The following MAP9 variants were observed in gnomAD, a reference collection of about 807,000 sequenced individuals.
The protein encoded by MAP9 is microtubule-associated protein 9.
A neutral mutation model predicts 75.2 loss-of-function variants in MAP9; 80 were observed. The observed-to-expected ratio is 1.06, with a 90% confidence interval of 0.89 to 1.28. The LOEUF is 1.28. Ranked by LOEUF, MAP9 falls within the 50% of genes most tolerant of loss-of-function variation. MAP9 has a pLI of 0.00. For missense variants in MAP9, 753 were observed against 719.9 expected, an observed-to-expected ratio of 1.05 and a Z score of -0.53; for synonymous variants, 235 against 237.3, an observed-to-expected ratio of 0.99 and a Z score of 0.09.
intron 6 of MAP9, among the ~76,000 whole-genome samples, chr4:155,361,834 G>A (rs1732094057): frequency 6.6e-6 from 1 of 152,012 alleles, no homozygotes; most frequent in Admixed American, 6.6e-5. Context: ...ATAACCTTAT[G>A]AGACAAATAA....
chr4:155,342,882 ATTC>A lies in MAP9; in HGVS notation c.*4898_*4900del. 1 of 152,076 alleles carries A rather than the reference ATTC, an allele frequency of 6.6e-6. No individual in the cohort carries two copies. Among genetic ancestry groups the A allele is most frequent in the Admixed American group, 6.6e-5 (1 of 15,242 alleles). The allele number at this position is 152,076 out of a possible 1,614,324, so 9.4% of individuals were successfully genotyped here. ...TCTGAATAACTCCTTACATTTATAA[ATTC>A]TTATTTAATTTTATAGCTTTAATGC... On this transcript the variant is annotated 3_prime_UTR_variant, in exon 14 of 14. Transcript: ENST00000311277.
At chr4:155,363,458 A>G (rs978771013) in intron 5 of MAP9, 1 of 152,128 alleles carries the variant, frequency 6.6e-6, no homozygotes, top group Admixed American at 6.6e-5. Context: ...CCCAGAGATG[A>G]CTCACGTTTT....
At chr4:155,357,997 G>A (rs577813655) in intron 7 of MAP9, among the ~76,000 whole-genome samples, 2 of 152,156 alleles carry the variant, frequency 1.3e-5, no homozygotes, top group South Asian at 2.1e-4. Flanking sequence ...GGAGGAAGAC[G>A]TGGTCAGGGA....
Position 155,375,784 on chromosome 4 carries a change from T to C in MAP9, c.67A>G (p.Thr23Ala), listed in dbSNP as rs200658882. The C allele has an allele frequency of 1.3e-5, 21 of 1,597,460 alleles. No homozygotes were observed. The highest frequency in any genetic ancestry group is 6.6e-5 in the South Asian group (6 of 90,346). ...AAATAAAAATACTTTACCTGGAAAG[T>C]AGTTCTTTTGGTAACTTTTGGACTC... is the stretch of plus-strand genomic sequence containing the variant. ...TKSPKVTKRT[T>A]FQDELIRAIT... Residue 23 changes from threonine to alanine, a missense_variant, in exon 2 of 14, where the codon ACT becomes GCT. Physicochemically the swap from Thr to Ala is moderately conservative, Grantham distance 58 (BLOSUM62 0). Transcript: ENST00000311277.
intron 5 of MAP9, among the ~76,000 whole-genome samples, chr4:155,366,897 T>C (rs538665478): frequency 3.5e-4 from 54 of 152,310 alleles, no homozygotes; most frequent in Non-Finnish European, 6.0e-4. Context: ...ACCAAACTTT[T>C]ATAAAATGAA....
At chr4:155,356,112 C>CA (rs1212370881) in intron 8 of MAP9, among the ~76,000 whole-genome samples, 1 of 151,906 alleles carries the variant, frequency 6.6e-6, no homozygotes, top group Non-Finnish European at 1.5e-5. Context: ...ACCAAAAATA[C>CA]AAAAAATTAG....
At chr4:155,361,711 T>G (rs1225493709) in intron 6 of MAP9, among the ~76,000 whole-genome samples, 1 of 152,074 alleles carries the variant, frequency 6.6e-6, no homozygotes, top group Non-Finnish European at 1.5e-5. Context: ...TATGTTGTCC[T>G]GCAGAATATC....
chr4:155,354,663 C>T lies in MAP9; in HGVS notation c.1380+408G>A, dbSNP rs570528079. 5.9e-5 allele frequency among the ~76,000 whole-genome samples: 9 copies of T among 152,166 alleles called. No individual in the cohort carries two copies. The South Asian group carries it at 1.9e-3, about 32-fold the overall frequency. On this transcript the variant is annotated intron_variant, in intron 10 of 13. Transcript: ENST00000311277. The stretch of plus-strand genomic sequence containing the variant: ...ATTTTTAGTAGAGATGGGGTTTCAC[C>T]ACATTGCCCAGGCTGGTGTCGAACT...
At position 155,344,730 on chromosome 4, in the gene MAP9, T is replaced by C. The variant is rs1364778212; in HGVS notation, c.*3053A>G. 1.3e-5 allele frequency: 2 copies of C among 152,034 alleles called. No homozygotes were observed. Among genetic ancestry groups the C allele is most frequent in the African/African-American group, 4.8e-5 (2 of 41,464 alleles). 9.4% of individuals were successfully genotyped at this position (152,034 alleles called of 1,614,324 possible). A position where few individuals can be genotyped will look rare whatever the true frequency, so the allele number is the denominator to read the frequency against. On this transcript the variant is annotated 3_prime_UTR_variant, in exon 14 of 14. Transcript: ENST00000311277. ...TTTAACCTCTTGATCTAAAATGCCA[T>C]ATTGCATCTTTTAAGTTAAATAGCA... is the stretch of plus-strand genomic sequence containing the variant.
Position 155,355,179 on chromosome 4 carries a change from G to A in MAP9, c.1291-19C>T, listed in dbSNP as rs769879016. 5 of 845,318 alleles carry A rather than the reference G, an allele frequency of 5.9e-6. No homozygotes were observed. Among genetic ancestry groups the A allele is most frequent in the South Asian group, 2.1e-5 (1 of 47,148 alleles). 52.4% of individuals were successfully genotyped at this position (845,318 alleles called of 1,614,324 possible). On this transcript the variant is annotated intron_variant, in intron 9 of 13. Coordinates refer to ENST00000311277, the MANE Select transcript of MAP9 (RefSeq NM_001039580.2). ...ACCACTCCTATAAGAACAAGAAAAA[G>A]GTCATATAATATTTAAAATTTCTTA...
At chr4:155,350,655 T>C (rs1256053886) in intron 13 of MAP9, among the ~76,000 whole-genome samples, 1 of 151,960 alleles carries the variant, frequency 6.6e-6, no homozygotes, top group African/African-American at 2.4e-5. Flanking sequence ...AACACTACCT[T>C]TTTCATTCAA....
At chr4:155,370,268 C>T (rs1732534987) in intron 4 of MAP9, among the ~76,000 whole-genome samples, 1 of 152,190 alleles carries the variant, frequency 6.6e-6, no homozygotes, top group African/African-American at 2.4e-5. Context: ...TAGATCACTG[C>T]TTCCATGATA....
At chr4:155,368,247 AAC>A (rs1732417746) in intron 5 of MAP9, 1 of 403,400 alleles carries the variant, frequency 2.5e-6, no homozygotes, top group East Asian at 3.7e-5. Context: ...ATTAAAGATA[AAC>A]ACTATTATAT....
In MAP9 at chr4:155,375,770, C is replaced by T; in HGVS notation, c.75+6G>A. On this transcript the variant is annotated splice_donor_region_variant and intron_variant, in intron 2 of 13. Coordinates refer to ENST00000311277, the MANE Select transcript of MAP9 (RefSeq NM_001039580.2). ...TGTGAAATGATTCCAAATAAAAATA[C>T]TTTACCTGGAAAGTAGTTCTTTTGG... 6.3e-7 allele frequency: 1 copy of T among 1,577,190 alleles called. No individual in the cohort carries two copies. The highest frequency in any genetic ancestry group is 8.7e-7 in the Non-Finnish European group (1 of 1,148,890).
At chr4:155,353,120 A>C in intron 11 of MAP9, 59 bp downstream of exon 11, 1 of 1,539,772 alleles carries the variant, frequency 6.5e-7, no homozygotes, top group East Asian at 2.3e-5. Flanking sequence ...AATATGGTTA[A>C]TCATTAATTT....
intron 8 of MAP9, among the ~76,000 whole-genome samples, chr4:155,356,263 T>A (rs1371241831): frequency 6.6e-6 from 1 of 151,512 alleles, no homozygotes; most frequent in Non-Finnish European, 1.5e-5. Flanking sequence ...TGAGACTCCA[T>A]CTCAAAAAAA....
At chr4:155,356,380 G>A (rs1195556258) in intron 8 of MAP9, among the ~76,000 whole-genome samples, 3 of 151,694 alleles carry the variant, frequency 2.0e-5, no homozygotes, top group African/African-American at 7.3e-5. Flanking sequence ...TGTAGAAGGG[G>A]ACATAACTTA....
Position 155,375,789 on chromosome 4 carries a change from C to G in MAP9, c.62G>C (p.Arg21Thr), listed in dbSNP as rs1560820608. Residue 21 changes from arginine to threonine, a missense_variant, in exon 2 of 14, where the codon AGA becomes ACA. By Grantham distance (71) the Arg-to-Thr change is moderately conservative (BLOSUM62 -1). Coordinates refer to ENST00000311277, the MANE Select transcript of MAP9 (RefSeq NM_001039580.2). Reference protein sequence around the residue: ...AYTKSPKVTKRTTFQDELIRA... With the variant: ...AYTKSPKVTKTTTFQDELIRA... ...AAAATACTTTACCTGGAAAGTAGTT[C>G]TTTTGGTAACTTTTGGACTCTTTGT... 3.1e-6 allele frequency: 5 copies of G among 1,603,438 alleles called. No individual in the cohort carries two copies. The South Asian group carries it at 5.5e-5, about 18-fold the overall frequency.
Position 155,347,703 on chromosome 4 carries a change from A to G in MAP9, c.*80T>C, listed in dbSNP as rs1424872415. 7.7e-7 allele frequency: 1 copy of G among 1,298,564 alleles called. No homozygotes were observed. Among genetic ancestry groups the G allele is most frequent in the Non-Finnish European group, 1.1e-6 (1 of 950,308 alleles). 80.4% of individuals were successfully genotyped at this position (1,298,564 alleles called of 1,614,324 possible). On this transcript the variant is annotated 3_prime_UTR_variant, in exon 14 of 14. Transcript: ENST00000311277. ...TTAATTAAAATATATTCCTCTAACT[A>G]TAAATAATTGAATGGTTTTAAATCT...
Sources: allele counts gnomAD v4.1 joint callset (sites outside exome capture counted in the v4.1 genomes callset), GRCh38; gene constraint gnomAD v4.1.1; transcripts MANE v1.5; gene names NCBI Gene and HGNC (gene_info 2026-07-23, HGNC 2026-07-21).